Variants in LRBA observed in about 807,000 individuals in gnomAD.
LRBA encodes the protein lipopolysaccharide-responsive and beige-like anchor protein.
A neutral mutation model predicts 330.0 loss-of-function variants in LRBA; 176 were observed. The ratio of observed to expected loss-of-function variants is 0.53; its 90% CI spans 0.47 to 0.60. The LOEUF is 0.60. Ranked by LOEUF, LRBA falls within the 20% of genes least tolerant of loss-of-function variation. LRBA has a pLI of 0.00. For synonymous variants in LRBA, 1,230 were observed against 1,193.0 expected (o/e 1.03, Z -0.64); for missense variants, 3,259 against 3,444.8 (o/e 0.95, Z 1.35).
chr4:150,266,325 C>T (rs1172164443), intron 56 of LRBA, among the ~76,000 whole-genome samples: 2 of 152,222 alleles, frequency 1.3e-5, no homozygotes, highest in Non-Finnish European at 2.9e-5. Context: ...AAGCTGGTCT[C>T]CCCTCTGTGG....
chr4:150,822,686 T>G (rs1413562523), intron 30 of LRBA, among the ~76,000 whole-genome samples: 1 of 152,120 alleles, frequency 6.6e-6, no homozygotes, highest in Non-Finnish European at 1.5e-5. Flanking sequence ...CCCATGAGTT[T>G]GAGGCTGCAG....
At chr4:150,822,231 C>T (rs991110171) in intron 30 of LRBA, among the ~76,000 whole-genome samples, 3 of 152,080 alleles carry the variant, frequency 2.0e-5, no homozygotes, top group Non-Finnish European at 4.4e-5. Flanking sequence ...CAATAAACCC[C>T]TTAAAATGTA....
At chr4:150,925,554 A>G (rs1039029615) in intron 4 of LRBA, among the ~76,000 whole-genome samples, 1 of 152,306 alleles carries the variant, frequency 6.6e-6, no homozygotes, top group East Asian at 1.9e-4. Flanking sequence ...AAATAACCCT[A>G]TATCCCAAAC....
intron 2 of LRBA, among the ~76,000 whole-genome samples, chr4:150,939,463 G>C (rs555546849): frequency 1.3e-5 from 2 of 152,282 alleles, no homozygotes; most frequent in Admixed American, 1.3e-4. Context: ...AAAGAAACAT[G>C]AAACAGATTC....
intron 46 of LRBA, chr4:150,422,941 T>C (rs1749027393): frequency 1.3e-6 from 1 of 788,802 alleles, no homozygotes; most frequent in Middle Eastern, 2.3e-4. Flanking sequence ...CAAGACTTCA[T>C]TCTTAATGAC....
chr4:150,416,645 A>T (rs1747802528), intron 46 of LRBA, among the ~76,000 whole-genome samples: 1 of 151,906 alleles, frequency 6.6e-6, no homozygotes, highest in Non-Finnish European at 1.5e-5. Context: ...AAAAAAAAAA[A>T]AAGACCTTAT....
intron 35 of LRBA, among the ~76,000 whole-genome samples, chr4:150,752,253 A>G (rs920679681): frequency 3.3e-5 from 5 of 152,094 alleles, no homozygotes; most frequent in African/African-American, 9.6e-5. Context: ...CTAACTCTCC[A>G]TGTATCTGCC....
At chr4:150,272,648 A>T (rs1746267268) in intron 56 of LRBA, among the ~76,000 whole-genome samples, 1 of 151,936 alleles carries the variant, frequency 6.6e-6, no homozygotes, top group African/African-American at 2.4e-5. Context: ...AAAACACAGC[A>T]CGAGAACTTC....
At chr4:150,324,220 G>A (rs1456432287) in intron 49 of LRBA, among the ~76,000 whole-genome samples, 1 of 152,294 alleles carries the variant, frequency 6.6e-6, no homozygotes, top group East Asian at 1.9e-4. Context: ...GAAAGTCAAT[G>A]GAGCAGAGGA....
intron 17 of LRBA, among the ~76,000 whole-genome samples, chr4:150,881,230 G>A (rs879796251): frequency 4.6e-5 from 7 of 152,116 alleles, no homozygotes; most frequent in Non-Finnish European, 7.4e-5. Flanking sequence ...GTGTATTACA[G>A]CACTAATCAC....
intron 40 of LRBA, among the ~76,000 whole-genome samples, chr4:150,564,829 G>T (rs1768911628): frequency 6.6e-6 from 1 of 152,148 alleles, no homozygotes; most frequent in African/African-American, 2.4e-5. Context: ...ACCACAATGA[G>T]ATACTATCTC....
intron 22 of LRBA, among the ~76,000 whole-genome samples, 199 bp downstream of exon 22, chr4:150,867,471 GA>G (rs1225574536): frequency 6.6e-6 from 1 of 152,034 alleles, no homozygotes; most frequent in African/African-American, 2.4e-5. Flanking sequence ...AACAACATTA[GA>G]AAAAATTATT....
At chr4:150,497,622 T>C (rs1759746677) in intron 40 of LRBA, among the ~76,000 whole-genome samples, 1 of 152,190 alleles carries the variant, frequency 6.6e-6, no homozygotes, top group Admixed American at 6.5e-5. Flanking sequence ...CAAATTCAAT[T>C]AAACATATTC....
At chr4:150,631,270 TCTAA>T (rs1304209325) in intron 37 of LRBA, among the ~76,000 whole-genome samples, 5 of 152,090 alleles carry the variant, frequency 3.3e-5, no homozygotes, top group Admixed American at 6.6e-5. Flanking sequence ...TAAAGGGATC[TCTAA>T]CTAGTAACAT....
chr4:150,746,667 T>C (rs1582224616), intron 35 of LRBA, among the ~76,000 whole-genome samples: 1 of 151,984 alleles, frequency 6.6e-6, no homozygotes, highest in East Asian at 1.9e-4. Context: ...CCCACCACCA[T>C]GCCCGGCTAA....
At chr4:150,849,370 T>A (rs1370875833) in intron 25 of LRBA, 52 bp downstream of exon 25, 2 of 1,536,934 alleles carry the variant, frequency 1.3e-6, no homozygotes, top group Non-Finnish European at 1.8e-6. Context: ...TCAATAAAGT[T>A]GCATAACACT....
At chr4:150,696,469 G>A (rs1213481852) in intron 36 of LRBA, among the ~76,000 whole-genome samples, 3 of 152,072 alleles carry the variant, frequency 2.0e-5, no homozygotes, top group Admixed American at 6.5e-5. Context: ...TGCTTTTCAG[G>A]AGGATCAAGA....
intron 30 of LRBA, among the ~76,000 whole-genome samples, chr4:150,819,189 GTT>G (rs563549725): frequency 6.9e-6 from 1 of 144,592 alleles, no homozygotes. Context: ...TACTTTATGG[GTT>G]TTTTTTTTTT....
At chr4:150,269,701 T>A (rs1275147008) in intron 56 of LRBA, among the ~76,000 whole-genome samples, 4 of 152,130 alleles carry the variant, frequency 2.6e-5, no homozygotes, top group Non-Finnish European at 4.4e-5. Context: ...TCCCATCCCT[T>A]TGGGTGGCTG....
Sources: gnomAD v4.1 joint callset for allele counts (sites outside exome capture counted in the v4.1 genomes callset) on GRCh38, gnomAD v4.1.1 for gene constraint, MANE v1.5 for transcripts, NCBI Gene and HGNC (gene_info 2026-07-23, HGNC 2026-07-21) for gene names.